C3orf20: variants seen among roughly 807,000 people sequenced by gnomAD.
C3orf20 encodes the protein uncharacterized protein C3orf20.
In C3orf20, 76 loss-of-function variants were observed where a neutral mutation model predicts 88.3. That is an observed-to-expected ratio of 0.86 (90% CI 0.72 to 1.04). The LOEUF is 1.04. Among genes scored for constraint, C3orf20 ranks in the 50% least tolerant of loss-of-function variants. The pLI is 0.00. For missense variants in C3orf20, 1,056 were observed against 1,123.3 expected (o/e 0.94, Z 0.86); for synonymous variants, 436 against 437.4 (o/e 1.00, Z 0.04).
intron 7 of C3orf20, among the ~76,000 whole-genome samples, chr3:14,713,551 A>C (rs576983010): frequency 8.6e-4 from 131 of 152,322 alleles, no homozygotes; most frequent in African/African-American, 3.1e-3. Flanking sequence ...GCCTGATAGC[A>C]TTAGAAATAT....
chr3:14,760,528 A>T (rs1316871677), intron 14 of C3orf20, among the ~76,000 whole-genome samples: 1 of 151,966 alleles, frequency 6.6e-6, no homozygotes, highest in Non-Finnish European at 1.5e-5. Flanking sequence ...TTTTAAATTA[A>T]AATACCATGA....
At chr3:14,753,864 CAAAACA>C (rs919202447) in intron 12 of C3orf20, among the ~76,000 whole-genome samples, 38 of 151,994 alleles carry the variant, frequency 2.5e-4, no homozygotes, top group African/African-American at 2.2e-4. Flanking sequence ...TATCTGGAGC[CAAAACA>C]AAAACAAAAA....
Position 14,685,812 on chromosome 3 carries a change from A to G in C3orf20, c.625+1430A>G, listed in dbSNP as rs2032386716. Among the ~76,000 whole-genome samples the G allele has an allele frequency of 1.4e-5, 2 of 140,282 alleles. 1 individual carries two copies. Among genetic ancestry groups the G allele is most frequent in the Admixed American group, 1.4e-4 (2 of 14,134 alleles). The allele number at this position is 140,282 out of a possible 152,430, so 92.0% of individuals were successfully genotyped here. The stretch of plus-strand genomic sequence containing the variant: ...TGGCTTTTTTTTCATTCAGCATATA[A>G]TGTACTCTAGGTTCACTTATGTTGT... On this transcript the variant is annotated intron_variant, in intron 4 of 16. Transcript: ENST00000253697.
chr3:14,721,898 C>T, intron 10 of C3orf20, 114 bp downstream of exon 10: 1 of 1,368,948 alleles, frequency 7.3e-7, no homozygotes, highest in Non-Finnish European at 1.0e-6. Context: ...CCATGCAAGG[C>T]CCTGCCTTTT....
At chr3:14,689,926 A>G (rs1480064830) in intron 4 of C3orf20, 71 bp from the exon 5 acceptor site, 7 of 1,599,320 alleles carry the variant, frequency 4.4e-6, no homozygotes, top group Admixed American at 3.3e-5. Context: ...CAAGAAATCC[A>G]TGTTACATTT....
Position 14,728,429 on chromosome 3 carries a change from C to T in C3orf20, c.1691-10C>T, listed in dbSNP as rs1174004576. On this transcript the variant is annotated splice_polypyrimidine_tract_variant and intron_variant, in intron 11 of 16. Coordinates refer to ENST00000253697, the MANE Select transcript of C3orf20 (RefSeq NM_032137.5). ...GAAGGGAAAATGACAGCAGCATCTT[C>T]TGTTAACAGGTCTGTTTACCATTGA... The T allele has an allele frequency of 6.2e-7, 1 of 1,613,554 alleles. No homozygotes were observed. Among genetic ancestry groups the T allele is most frequent in the Non-Finnish European group, 8.5e-7 (1 of 1,179,626 alleles).
In C3orf20 at chr3:14,683,001, TCCACCACCACCA is replaced by T. The variant is rs1157065976; in HGVS notation, c.289_300del (p.Pro97_Pro100del). ...TCCCCACACTGAAGAAGCCACTACCTCCACCACCACCAGCACCACCACGTCCAGTGCTGCTGG... is the reference window on the plus strand; with the variant it reads ...TCCCCACACTGAAGAAGCCACTACCTGCACCACCACGTCCAGTGCTGCTGG... On this transcript the variant is annotated inframe_deletion, in exon 3 of 17. Coordinates refer to ENST00000253697, the MANE Select transcript of C3orf20 (RefSeq NM_032137.5). 2 of 1,613,250 alleles carry T rather than the reference TCCACCACCACCA, an allele frequency of 1.2e-6. No individual in the cohort carries two copies. Among genetic ancestry groups the T allele is most frequent in the African/African-American group, 2.7e-5 (2 of 74,824 alleles).
At chr3:14,766,229 A>G (rs1489543327) in intron 15 of C3orf20, among the ~76,000 whole-genome samples, 2 of 152,204 alleles carry the variant, frequency 1.3e-5, no homozygotes, top group African/African-American at 4.8e-5. Context: ...TCCCCAGGGC[A>G]GCCCTGTGCG....
intron 12 of C3orf20, among the ~76,000 whole-genome samples, chr3:14,739,433 A>C (rs1319642930): frequency 6.6e-6 from 1 of 152,234 alleles, no homozygotes; most frequent in Non-Finnish European, 1.5e-5. Flanking sequence ...TTCTGTGAAT[A>C]GATTGCTGTC....
intron 15 of C3orf20, among the ~76,000 whole-genome samples, chr3:14,770,924 A>C (rs1254310281): frequency 6.6e-6 from 1 of 152,222 alleles, no homozygotes; most frequent in Non-Finnish European, 1.5e-5. Flanking sequence ...CTGACAATGA[A>C]TGGCTGCAAA....
At chr3:14,681,704 T>C (rs2032102105) in intron 1 of C3orf20, among the ~76,000 whole-genome samples, 1 of 152,242 alleles carries the variant, frequency 6.6e-6, no homozygotes, top group South Asian at 2.1e-4. Flanking sequence ...TTTAATTTGA[T>C]ATATTATTAA....
At chr3:14,690,218 G>C in intron 5 of C3orf20, 102 bp downstream of exon 5, 1 of 1,513,602 alleles carries the variant, frequency 6.6e-7, no homozygotes, top group East Asian at 2.3e-5. Context: ...GGTTTGATTT[G>C]GTCTTCTGAT....
intron 4 of C3orf20, among the ~76,000 whole-genome samples, chr3:14,686,163 G>T (rs570265162): frequency 6.7e-6 from 1 of 149,322 alleles, no homozygotes; most frequent in South Asian, 2.1e-4. Context: ...CCCAGCCCAG[G>T]ATTTCCTTTT....
intron 5 of C3orf20, among the ~76,000 whole-genome samples, chr3:14,698,515 T>C (rs1187684889): frequency 1.3e-5 from 2 of 152,262 alleles, no homozygotes; most frequent in African/African-American, 2.4e-5. Flanking sequence ...GTTGCGGTTC[T>C]TGCAGACTCA....
Position 14,757,643 on chromosome 3 carries a change from A to G in C3orf20, c.2213A>G (p.Gln738Arg), listed in dbSNP as rs1157524142. The G allele has an allele frequency of 1.9e-6, 3 of 1,611,454 alleles. No individual in the cohort carries two copies. The highest frequency in any genetic ancestry group is 2.5e-6 in the Non-Finnish European group (3 of 1,178,102). Residue 738 changes from glutamine to arginine, a missense_variant, in exon 13 of 17, where the codon CAG (glutamine) becomes CGG (arginine). Gln to Arg is a conservative substitution (Grantham distance 43). Transcript: ENST00000253697. ...CTGCTGAACACTCTCTACAACCACCAGCAGCGGGGCCGTGGCTCCCCCTGC... is the reference window on the plus strand; with the variant it reads ...CTGCTGAACACTCTCTACAACCACCGGCAGCGGGGCCGTGGCTCCCCCTGC... ...QWLLNTLYNH[Q>R]QRGRGSPCIQ...
chr3:14,715,922 A>G (rs937258625), intron 9 of C3orf20, among the ~76,000 whole-genome samples: 2 of 152,168 alleles, frequency 1.3e-5, no homozygotes, highest in Non-Finnish European at 2.9e-5. Flanking sequence ...TTATTTACCA[A>G]AGATTTATTA....
intron 12 of C3orf20, among the ~76,000 whole-genome samples, chr3:14,741,715 G>A (rs1195405119): frequency 1.3e-5 from 2 of 152,218 alleles, no homozygotes; most frequent in Non-Finnish European, 2.9e-5. Context: ...CTCTGGCGGT[G>A]TTACAGCTCT....
At chr3:14,715,614 A>G (rs150975475) in intron 9 of C3orf20, among the ~76,000 whole-genome samples, 1 of 152,370 alleles carries the variant, frequency 6.6e-6, no homozygotes. Context: ...ACTTTTCACC[A>G]GCCTAAACTA....
intron 7 of C3orf20, among the ~76,000 whole-genome samples, chr3:14,707,408 T>A (rs901342651): frequency 3.3e-5 from 5 of 151,986 alleles, no homozygotes; most frequent in African/African-American, 4.8e-5. Flanking sequence ...TTTTAACTTA[T>A]GTTTACCTAA....
Sources: allele counts gnomAD v4.1 joint callset (sites outside exome capture counted in the v4.1 genomes callset), GRCh38; gene constraint gnomAD v4.1.1; transcripts MANE v1.5; gene names NCBI Gene and HGNC (gene_info 2026-07-23, HGNC 2026-07-21).